NIPBL: variants seen among roughly 807,000 people sequenced by gnomAD.
NIPBL encodes the protein nipped-B-like protein.
A neutral mutation model predicts 321.8 loss-of-function variants in NIPBL; 19 were observed. The ratio of observed to expected loss-of-function variants is 0.06; its 90% CI spans 0.04 to 0.09. The LOEUF (loss-of-function observed/expected upper bound fraction) is 0.09. NIPBL is among the 10% of genes least tolerant of loss of function. The pLI, the probability that NIPBL is intolerant of heterozygous loss-of-function variation, is 1.00. For synonymous variants in NIPBL, 1,106 were observed against 1,114.1 expected (o/e 0.99, Z 0.14); for missense variants, 2,210 against 3,327.0 (o/e 0.66, Z 8.26).
At chr5:36,907,096 C>T (rs756976044) in intron 1 of NIPBL, among the ~76,000 whole-genome samples, 1 of 152,110 alleles carries the variant, frequency 6.6e-6, no homozygotes, top group Non-Finnish European at 1.5e-5. Flanking sequence ...AAGCAATGCT[C>T]TGAGATTCTT....
intron 1 of NIPBL, among the ~76,000 whole-genome samples, chr5:36,891,576 T>C (rs1255400423): frequency 6.6e-6 from 1 of 152,134 alleles, no homozygotes; most frequent in East Asian, 1.9e-4. Context: ...ATGGCTTAGA[T>C]TATTAGAACA....
chr5:37,060,452 CT>C (rs1754550256), intron 44 of NIPBL, among the ~76,000 whole-genome samples: 1 of 152,224 alleles, frequency 6.6e-6, no homozygotes, highest in Non-Finnish European at 1.5e-5. Context: ...GCATGAGCCA[CT>C]GCTCCTGGCC....
intron 1 of NIPBL, among the ~76,000 whole-genome samples, chr5:36,952,659 G>T (rs998855527): frequency 6.6e-6 from 1 of 152,144 alleles, no homozygotes; most frequent in Non-Finnish European, 1.5e-5. Flanking sequence ...AAGAGAGAGA[G>T]AATTCCATCA....
chr5:36,954,354 T>A (rs543765347), intron 2 of NIPBL, among the ~76,000 whole-genome samples: 4 of 152,308 alleles, frequency 2.6e-5, no homozygotes, highest in African/African-American at 9.6e-5. Context: ...CTTTTCTGGC[T>A]TTTGTTTTGT....
intron 1 of NIPBL, among the ~76,000 whole-genome samples, chr5:36,928,629 C>A (rs1004607381): frequency 6.6e-6 from 1 of 152,122 alleles, no homozygotes; most frequent in African/African-American, 2.4e-5. Context: ...AGTTTTAGAA[C>A]CTTTTCATCA....
At chr5:36,902,113 T>G (rs1747280341) in intron 1 of NIPBL, among the ~76,000 whole-genome samples, 1 of 152,098 alleles carries the variant, frequency 6.6e-6, no homozygotes, top group Admixed American at 6.5e-5. Context: ...AGAGTTGTTT[T>G]CTGCTTGTTA....
At chr5:37,052,606 C>A in intron 42 of NIPBL, 40 bp downstream of exon 42, 2 of 1,519,704 alleles carry the variant, frequency 1.3e-6, no homozygotes, top group South Asian at 1.1e-5. Context: ...AATAAGTGCT[C>A]TAGAAATTTT....
At chr5:37,017,771 T>A (rs1005194398) in intron 24 of NIPBL, among the ~76,000 whole-genome samples, 2 of 151,522 alleles carry the variant, frequency 1.3e-5, no homozygotes, top group African/African-American at 4.8e-5. Context: ...TGCCTCTAAT[T>A]TTTTTTTAGC....
rs114364442 is a variant in NIPBL, at chr5:37,007,740, T to C, written c.4239+266T>C. ...TCATGCAGATATTAAATGTTTGTTA[T>C]TTCTTTATATTCCTGTGACATTTGT... On this transcript the variant is annotated intron_variant, in intron 18 of 46. Coordinates refer to ENST00000282516, the MANE Select transcript of NIPBL (RefSeq NM_133433.4). 8.2e-3 allele frequency among the ~76,000 whole-genome samples: 1,245 copies of C among 152,150 alleles called. 12 individuals are homozygous for C. Among genetic ancestry groups the C allele is most frequent in the African/African-American group, 0.028 (1,183 of 41,562 alleles).
Position 37,064,967 on chromosome 5 carries a change from C to T in NIPBL, c.*75C>T. 6.5e-7 allele frequency: 1 copy of T among 1,531,250 alleles called. No individual in the cohort carries two copies. 94.9% of individuals were successfully genotyped at this position (1,531,250 alleles called of 1,614,324 possible). On this transcript the variant is annotated 3_prime_UTR_variant, in exon 47 of 47. Transcript: ENST00000282516. The stretch of plus-strand genomic sequence containing the variant: ...AAAACTTGAAATACCAACATTCTGG[C>T]AAAAAAAAATCAGTTTTATGAAGAG...
chr5:36,938,828 G>A (rs1364909408), intron 1 of NIPBL, among the ~76,000 whole-genome samples: 3 of 152,070 alleles, frequency 2.0e-5, no homozygotes, highest in African/African-American at 7.2e-5. Flanking sequence ...GATACAATCC[G>A]GGAGCTTGTT....
chr5:37,054,721 C>G (rs1463405737), intron 42 of NIPBL, among the ~76,000 whole-genome samples: 1 of 152,118 alleles, frequency 6.6e-6, no homozygotes, highest in Non-Finnish European at 1.5e-5. Flanking sequence ...GAACAAATGC[C>G]TGAAGGCCCA....
At chr5:36,942,716 G>C (rs1739249709) in intron 1 of NIPBL, among the ~76,000 whole-genome samples, 1 of 150,834 alleles carries the variant, frequency 6.6e-6, no homozygotes, top group African/African-American at 2.4e-5. Flanking sequence ...ACTTCAGCCT[G>C]GGTGACAGAC....
chr5:37,006,512 A>G lies in NIPBL; in HGVS notation c.4011A>G (p.Ile1337Met). 6.2e-7 allele frequency: 1 copy of G among 1,612,106 alleles called. No homozygotes were observed. The highest frequency in any genetic ancestry group is 1.3e-5 in the African/African-American group (1 of 75,008). ...TTGAGGATGTAATTGAAAGAGTTAT[A>G]CAGTACACTAAATTTCATTTGCAGA... ...VYIEDVIERVIQYTKFHLQNT... is the reference protein window; with the variant it reads ...VYIEDVIERVMQYTKFHLQNT... Residue 1337 changes from isoleucine to methionine, a missense_variant, in exon 17 of 47, where the codon ATA (isoleucine) becomes ATG (methionine). This residue lies in a region of NIPBL where 381 missense variants were observed against 642.3 expected (regional missense o/e 0.59). Transcript: ENST00000282516.
chr5:36,907,116 C>A (rs975426598), intron 1 of NIPBL, among the ~76,000 whole-genome samples: 27 of 152,178 alleles, frequency 1.8e-4, no homozygotes, highest in African/African-American at 6.3e-4. Flanking sequence ...TACTCCACAT[C>A]TTGTTAAATG....
chr5:36,898,462 C>G (rs540644124), intron 1 of NIPBL, among the ~76,000 whole-genome samples: 7 of 151,108 alleles, frequency 4.6e-5, no homozygotes, highest in African/African-American at 1.7e-4. Context: ...CAAGCTTACA[C>G]AGCTTGAAAC....
intron 10 of NIPBL, among the ~76,000 whole-genome samples, chr5:36,990,956 A>G (rs78201370): frequency 0.014 from 2,113 of 152,114 alleles, 55 homozygotes; most frequent in African/African-American, 0.049. Context: ...ATTTATGAAG[A>G]AATAATCTTT....
chr5:37,028,914 T>G (rs1213665567), intron 32 of NIPBL, among the ~76,000 whole-genome samples: 2 of 152,212 alleles, frequency 1.3e-5, no homozygotes, highest in Non-Finnish European at 2.9e-5. Flanking sequence ...GACTTGTATG[T>G]TTTTCTGTAG....
chr5:37,048,819 T>A (rs1035544974), intron 39 of NIPBL, 144 bp downstream of exon 39: 3 of 737,944 alleles, frequency 4.1e-6, no homozygotes, highest in Non-Finnish European at 6.8e-6. Flanking sequence ...GGTCTATAGC[T>A]GGGCTTTAGC....
Sources: gnomAD v4.1 joint callset for allele counts (sites outside exome capture counted in the v4.1 genomes callset) on GRCh38, gnomAD v4.1.1 for gene constraint, gnomAD v4.1.1 regional missense constraint, MANE v1.5 for transcripts, NCBI Gene and HGNC (gene_info 2026-07-23, HGNC 2026-07-21) for gene names.